Variants in PTPN21 observed in about 807,000 individuals in gnomAD.
PTPN21 encodes the protein tyrosine-protein phosphatase non-receptor type 21.
A neutral mutation model predicts 131.8 loss-of-function variants in PTPN21; 77 were observed. That is an observed-to-expected ratio of 0.58 (90% CI 0.49 to 0.71). PTPN21 has a LOEUF of 0.71. Among genes scored for constraint, PTPN21 ranks in the 30% least tolerant of loss-of-function variants. The pLI is 0.00. For synonymous variants in PTPN21, 715 were observed against 621.3 expected, an observed-to-expected ratio of 1.15 and a Z score of -2.24; for missense variants, 1,552 against 1,527.1, an observed-to-expected ratio of 1.02 and a Z score of -0.27.
At chr14:88,527,254 C>T (rs1258320470) in intron 2 of PTPN21, among the ~76,000 whole-genome samples, 1 of 152,150 alleles carries the variant, frequency 6.6e-6, no homozygotes, top group Non-Finnish European at 1.5e-5. Context: ...AGTGGTTGTA[C>T]TAGTTTACAT....
chr14:88,526,072 G>A (rs2078469804), intron 2 of PTPN21, among the ~76,000 whole-genome samples: 1 of 152,174 alleles, frequency 6.6e-6, no homozygotes. Flanking sequence ...CTTGAGGCCA[G>A]GAGTTCAAGA....
intron 2 of PTPN21, among the ~76,000 whole-genome samples, chr14:88,518,273 TACACACACAC>T (rs1555388159): frequency 7.3e-5 from 5 of 68,226 alleles, no homozygotes; most frequent in Non-Finnish European, 1.2e-4. Flanking sequence ...TATATATATA[TACACACACAC>T]ATACGCACAC....
At chr14:88,488,549 T>C (rs2077771089) in intron 10 of PTPN21, among the ~76,000 whole-genome samples, 1 of 152,226 alleles carries the variant, frequency 6.6e-6, no homozygotes, top group Admixed American at 6.5e-5. Flanking sequence ...CATGTAACTG[T>C]TGGCTGTGGT....
chr14:88,478,127 G>A (rs974826138), intron 13 of PTPN21, among the ~76,000 whole-genome samples: 1 of 152,120 alleles, frequency 6.6e-6, no homozygotes, highest in African/African-American at 2.4e-5. Flanking sequence ...ACTGTAAATA[G>A]GCCACAAAAG....
intron 2 of PTPN21, among the ~76,000 whole-genome samples, chr14:88,546,285 C>T (rs1035116867): frequency 2.0e-5 from 3 of 151,366 alleles, no homozygotes; most frequent in Admixed American, 6.6e-5. Flanking sequence ...GGCCCGGGCA[C>T]GTTGGCTCAC....
At chr14:88,527,329 A>AT (rs1167605922) in intron 2 of PTPN21, among the ~76,000 whole-genome samples, 3 of 152,144 alleles carry the variant, frequency 2.0e-5, no homozygotes, top group East Asian at 1.9e-4. Flanking sequence ...TTATTCTTTG[A>AT]TTTTTTTATT....
chr14:88,532,299 A>T (rs539711888), intron 2 of PTPN21, among the ~76,000 whole-genome samples: 116 of 151,644 alleles, frequency 7.6e-4, no homozygotes, highest in African/African-American at 2.7e-3. Context: ...CCAGGAAAGG[A>T]CATAACAAGT....
chr14:88,525,162 C>T (rs553184509), intron 2 of PTPN21, among the ~76,000 whole-genome samples: 1 of 152,030 alleles, frequency 6.6e-6, no homozygotes, highest in East Asian at 1.9e-4. Context: ...ATCACTTTAA[C>T]CCCAACAGAT....
rs988149392 is a variant in PTPN21, at chr14:88,467,534, C to G, written c.*603G>C. 1.3e-5 allele frequency: 2 copies of G among 152,104 alleles called. No homozygotes were observed. Among genetic ancestry groups the G allele is most frequent in the Non-Finnish European group, 1.5e-5 (1 of 68,030 alleles). 9.4% of individuals were successfully genotyped at this position (152,104 alleles called of 1,614,324 possible). ...TAAAAAATGTTCTGGATAGAAAAAT[C>G]CTTTTGATGTTTCAAAATAACACAG... On this transcript the variant is annotated 3_prime_UTR_variant, in exon 19 of 19. Transcript: ENST00000556564.
At chr14:88,544,179 T>C (rs2078742629) in intron 2 of PTPN21, among the ~76,000 whole-genome samples, 1 of 152,022 alleles carries the variant, frequency 6.6e-6, no homozygotes, top group Non-Finnish European at 1.5e-5. Flanking sequence ...ACCCAGTCTC[T>C]ACTAAAAATA....
At chr14:88,547,465 T>C (rs7160549) in intron 2 of PTPN21, 102,744 of 284,140 alleles carry the variant, frequency 0.36, 22,170 homozygotes, top group Non-Finnish European at 0.47. Flanking sequence ...CTGGGCGACA[T>C]AGCAAGACTC....
intron 2 of PTPN21, chr14:88,547,551 G>C (rs183728344): frequency 2.5e-6 from 1 of 403,316 alleles, no homozygotes; most frequent in Non-Finnish European, 4.9e-6. Flanking sequence ...CTCTTGGCAG[G>C]CTAAGGCAAA....
chr14:88,534,588 C>T (rs1041329377), intron 2 of PTPN21, among the ~76,000 whole-genome samples: 5 of 151,948 alleles, frequency 3.3e-5, no homozygotes, highest in African/African-American at 7.3e-5. Context: ...AATTTATTAT[C>T]GAAGGCCAGG....
rs147157196 is a variant in PTPN21 at position 88,479,438 on chromosome 14, C to T, written c.1993G>A (p.Ala665Thr). 3 of 1,601,814 alleles carry T rather than the reference C, an allele frequency of 1.9e-6. No individual in the cohort carries two copies. Among genetic ancestry groups the T allele is most frequent in the African/African-American group, 2.7e-5 (2 of 74,786 alleles). ...RTLSASAAEV[A>T]PRAVSVGSQP... ...GAGCCCACCGAGACGGCTCGCGGCG[C>T]CACCTCTGCCGCCGACGCGGATAGG... Residue 665 changes from alanine (A) to threonine (T), a missense_variant, in exon 13 of 19, where the codon GCG becomes ACG. By Grantham distance (58) the Ala-to-Thr change is moderately conservative. Transcript: ENST00000556564.
rs773348776 is a variant in PTPN21 at position 88,470,061 on chromosome 14, A to G, written c.2872-11T>C. 1.9e-6 allele frequency: 3 copies of G among 1,609,812 alleles called. No individual in the cohort carries two copies. Among genetic ancestry groups the G allele is most frequent in the Non-Finnish European group, 2.6e-6 (3 of 1,176,262 alleles). On this transcript the variant is annotated splice_polypyrimidine_tract_variant and intron_variant, in intron 15 of 18. Transcript: ENST00000556564. ...TCCACTGACAGAGACCTGGGATTAG[A>G]AAAGGTTAAAAAAATTGATGTGTGG...
At chr14:88,536,474 C>A (rs2078632914) in intron 2 of PTPN21, among the ~76,000 whole-genome samples, 2 of 152,080 alleles carry the variant, frequency 1.3e-5, no homozygotes, top group African/African-American at 4.8e-5. Context: ...ATTTGATAAC[C>A]AAGTTTTTTG....
chr14:88,468,354 G>T, intron 18 of PTPN21, 89 bp from the exon 19 acceptor site: 1 of 1,314,722 alleles, frequency 7.6e-7, no homozygotes, highest in South Asian at 1.5e-5. Context: ...GCAGAAACCT[G>T]GTTGGGAGAT....
At chr14:88,534,463 A>G (rs1278689320) in intron 2 of PTPN21, among the ~76,000 whole-genome samples, 1 of 152,304 alleles carries the variant, frequency 6.6e-6, no homozygotes, top group South Asian at 2.1e-4. Flanking sequence ...AAGGATATAG[A>G]TATTTTTGTA....
chr14:88,554,022 C>G (rs2078895834), intron 1 of PTPN21, among the ~76,000 whole-genome samples: 1 of 151,948 alleles, frequency 6.6e-6, no homozygotes, highest in Non-Finnish European at 1.5e-5. Flanking sequence ...CTGTCGTGTC[C>G]CAAACTTAAA....
Sources: allele counts gnomAD v4.1 joint callset (sites outside exome capture counted in the v4.1 genomes callset), GRCh38; gene constraint gnomAD v4.1.1; transcripts MANE v1.5; gene names NCBI Gene and HGNC (gene_info 2026-07-23, HGNC 2026-07-21).